The following MNAT1 variants were observed in gnomAD, a reference collection of about 807,000 sequenced individuals.
MNAT1 encodes MNAT1 component of CDK activating kinase.
MNAT1 carries 43 observed loss-of-function variants against 42.0 expected under a neutral mutation model. That is an observed-to-expected ratio of 1.02 (90% CI 0.80 to 1.32). MNAT1 has a LOEUF of 1.32. MNAT1 is among the 40% of genes most tolerant of loss of function. MNAT1 has a pLI of 0.00. For missense variants in MNAT1, 306 were observed against 350.4 expected, an observed-to-expected ratio of 0.87 and a Z score of 1.01; for synonymous variants, 118 against 120.0, an observed-to-expected ratio of 0.98 and a Z score of 0.11.
intron 7 of MNAT1, among the ~76,000 whole-genome samples, chr14:60,932,549 T>C (rs1033902693): frequency 6.6e-6 from 1 of 151,994 alleles, no homozygotes; most frequent in Admixed American, 6.6e-5. Context: ...GCTCTGTTTT[T>C]TTCTTTTCTT....
intron 7 of MNAT1, among the ~76,000 whole-genome samples, chr14:60,921,195 A>G (rs979402316): frequency 6.6e-6 from 1 of 152,196 alleles, no homozygotes; most frequent in African/African-American, 2.4e-5. Flanking sequence ...AGAAATAGAG[A>G]TTATGATAAT....
At chr14:60,927,704 T>G (rs1388591100) in intron 7 of MNAT1, among the ~76,000 whole-genome samples, 1 of 152,172 alleles carries the variant, frequency 6.6e-6, no homozygotes. Flanking sequence ...TTCGACCACC[T>G]TCTTTCTGTT....
intron 6 of MNAT1, among the ~76,000 whole-genome samples, chr14:60,857,992 G>A (rs1024336343): frequency 2.0e-5 from 3 of 152,124 alleles, no homozygotes; most frequent in Non-Finnish European, 4.4e-5. Context: ...TGTTTGGGTT[G>A]GTTCCAAGTC....
chr14:60,741,753 C>T (rs911540371), intron 1 of MNAT1, among the ~76,000 whole-genome samples: 3 of 148,360 alleles, frequency 2.0e-5, no homozygotes, highest in Non-Finnish European at 4.4e-5. Flanking sequence ...AGTGATCCTC[C>T]TGCCTGGGCC....
chr14:60,790,877 C>T (rs146109226), intron 1 of MNAT1, among the ~76,000 whole-genome samples: 1 of 152,034 alleles, frequency 6.6e-6, no homozygotes, highest in African/African-American at 2.4e-5. Flanking sequence ...TTTCTATGTT[C>T]CTTCATATAT....
intron 5 of MNAT1, among the ~76,000 whole-genome samples, chr14:60,814,158 G>C (rs976989355): frequency 6.6e-6 from 1 of 151,936 alleles, no homozygotes; most frequent in African/African-American, 2.4e-5. Flanking sequence ...TATATTGACT[G>C]TTTACTTTGT....
intron 6 of MNAT1, among the ~76,000 whole-genome samples, chr14:60,833,109 C>T (rs981564071): frequency 5.9e-5 from 9 of 152,134 alleles, no homozygotes; most frequent in Non-Finnish European, 1.2e-4. Flanking sequence ...AATATACAAT[C>T]GTGTCATCTG....
chr14:60,910,871 A>G (rs1336440335), intron 7 of MNAT1, among the ~76,000 whole-genome samples: 5 of 151,916 alleles, frequency 3.3e-5, no homozygotes, highest in South Asian at 4.2e-4. Context: ...CTCTTTTTCT[A>G]TTGATTGGAA....
intron 7 of MNAT1, among the ~76,000 whole-genome samples, chr14:60,938,661 A>G (rs1478593324): frequency 6.6e-6 from 1 of 152,104 alleles, no homozygotes; most frequent in Non-Finnish European, 1.5e-5. Flanking sequence ...TTTTTGTATC[A>G]ATGTTCATCA....
chr14:60,851,022 A>G (rs920371529), intron 6 of MNAT1, among the ~76,000 whole-genome samples: 86 of 152,252 alleles, frequency 5.6e-4, no homozygotes, highest in African/African-American at 2.0e-3. Flanking sequence ...TCCAGATAAC[A>G]GGGAACCTAA....
At chr14:60,793,326 G>C (rs982165233) in intron 1 of MNAT1, among the ~76,000 whole-genome samples, 20 of 151,940 alleles carry the variant, frequency 1.3e-4, no homozygotes, top group Admixed American at 5.3e-4. Flanking sequence ...ACATGTGTGA[G>C]CCACTGCACC....
At chr14:60,811,593 C>T (rs988747096) in intron 4 of MNAT1, among the ~76,000 whole-genome samples, 9 of 151,924 alleles carry the variant, frequency 5.9e-5, no homozygotes, top group African/African-American at 1.9e-4. Flanking sequence ...TGAGCCGCTG[C>T]GTAGGGCTCT....
At chr14:60,763,619 C>T (rs758835166) in intron 1 of MNAT1, among the ~76,000 whole-genome samples, 12 of 152,100 alleles carry the variant, frequency 7.9e-5, no homozygotes, top group Non-Finnish European at 1.6e-4. Flanking sequence ...CTGTGTGTAT[C>T]GTCTGCCTTC....
chr14:60,869,040 A>ATATATATATTTTTTTTTT (rs1465360826), intron 6 of MNAT1, among the ~76,000 whole-genome samples: 2 of 113,054 alleles, frequency 1.8e-5, no homozygotes, highest in African/African-American at 6.8e-5. Flanking sequence ...ATATATATAT[A>ATATATATATTTTTTTTTT]TTTTTTTTTT....
chr14:60,838,254 G>A (rs953308309), intron 6 of MNAT1, among the ~76,000 whole-genome samples: 3 of 151,878 alleles, frequency 2.0e-5, no homozygotes, highest in African/African-American at 7.3e-5. Flanking sequence ...CCCTGCCTCA[G>A]CCTCCTGAGT....
intron 6 of MNAT1, among the ~76,000 whole-genome samples, chr14:60,827,243 A>T (rs565549815): frequency 6.6e-6 from 1 of 152,152 alleles, no homozygotes; most frequent in Non-Finnish European, 1.5e-5. Flanking sequence ...GTATGGAGAA[A>T]CATACCATGC....
At chr14:60,825,417 C>T (rs74563663) in intron 6 of MNAT1, among the ~76,000 whole-genome samples, 56 of 152,196 alleles carry the variant, frequency 3.7e-4, no homozygotes, top group Non-Finnish European at 6.8e-4. Context: ...AAAAATCAAT[C>T]CTGAATGAAG....
intron 1 of MNAT1, among the ~76,000 whole-genome samples, chr14:60,784,201 T>TTTTC (rs1435948099): frequency 7.0e-6 from 1 of 143,868 alleles, no homozygotes; most frequent in African/African-American, 2.6e-5. Flanking sequence ...TTTTTTTTTT[T>TTTTC]TTAGTAGAGG....
intron 1 of MNAT1, among the ~76,000 whole-genome samples, chr14:60,774,590 A>G (rs764541136): frequency 6.6e-6 from 1 of 152,220 alleles, no homozygotes; most frequent in Non-Finnish European, 1.5e-5. Context: ...TGTTGGGGAT[A>G]AGTAGTCGAA....
Sources: gnomAD v4.1 joint callset for allele counts (sites outside exome capture counted in the v4.1 genomes callset) on GRCh38, gnomAD v4.1.1 for gene constraint, MANE v1.5 for transcripts, NCBI Gene and HGNC (gene_info 2026-07-23, HGNC 2026-07-21) for gene names.